Variants in PLXNA4 observed in about 807,000 individuals in gnomAD.
The protein encoded by PLXNA4 is plexin A4, also known as plexin-A4.
PLXNA4 carries 44 observed loss-of-function variants against 191.8 expected under a neutral mutation model. The observed-to-expected ratio is 0.23, with a 90% CI of 0.18 to 0.29. The LOEUF (loss-of-function observed/expected upper bound fraction) is 0.29, where lower values mean the gene tolerates loss of function less well. Among genes scored for constraint, PLXNA4 ranks in the 10% least tolerant of loss-of-function variants. The pLI is 1.00. For missense variants in PLXNA4, 1,800 were observed against 2,488.8 expected (o/e 0.72, Z 5.89); for synonymous variants, 1,082 against 1,009.5 (o/e 1.07, Z -1.36).
chr7:132,349,419 A>G (rs1203145997), intron 3 of PLXNA4, among the ~76,000 whole-genome samples: 6 of 152,148 alleles, frequency 3.9e-5, no homozygotes, highest in African/African-American at 1.2e-4. Context: ...TGGTGTGTGC[A>G]GGGAGCCAAC....
chr7:132,432,959 A>G (rs1795324100), intron 3 of PLXNA4, among the ~76,000 whole-genome samples: 1 of 152,146 alleles, frequency 6.6e-6, no homozygotes, highest in African/African-American at 2.4e-5. Flanking sequence ...TCTTGTATGC[A>G]TTACCACCCC....
chr7:132,196,948 A>G (rs1253693791), intron 13 of PLXNA4, among the ~76,000 whole-genome samples: 1 of 152,182 alleles, frequency 6.6e-6, no homozygotes, highest in African/African-American at 2.4e-5. Context: ...CTCTTTATAT[A>G]TTAAGAAAAA....
rs765370862 is a variant in PLXNA4 at position 132,181,554 on chromosome 7, G to A, written c.3319C>T (p.His1107Tyr). ...QAPALALGPD[H>Y]QSDLTERPEE... ...GGCCTCTCGGTCAGGTCTGACTGGTGGTCAGGACCCAGAGCGAGGGCGGGC... is the reference window on the plus strand; with the variant it reads ...GGCCTCTCGGTCAGGTCTGACTGGTAGTCAGGACCCAGAGCGAGGGCGGGC... The change falls in exon 18 of 32, where the codon CAC becomes TAC. Residue 1107 changes from histidine (H) to tyrosine (Y), a missense_variant. Physicochemically the swap from His to Tyr is moderately conservative, Grantham distance 83 (BLOSUM62 2). Transcript: ENST00000321063. 2 of 1,614,164 alleles carry A rather than the reference G, an allele frequency of 1.2e-6. No individual in the cohort carries two copies. The highest frequency in any genetic ancestry group is 4.5e-5 in the East Asian group (2 of 44,862).
At chr7:132,489,210 G>T in intron 3 of PLXNA4, 82 bp downstream of exon 3, 1 of 1,426,150 alleles carries the variant, frequency 7.0e-7, no homozygotes, top group Non-Finnish European at 9.5e-7. Flanking sequence ...GCCCAAGTTA[G>T]CAAAAAGATG....
At chr7:132,593,081 A>G (rs1393040873) in intron 2 of PLXNA4, among the ~76,000 whole-genome samples, 1 of 152,210 alleles carries the variant, frequency 6.6e-6, no homozygotes, top group Non-Finnish European at 1.5e-5. Context: ...CCAGAGGTGG[A>G]CTAATTCGTG....
chr7:132,296,576 T>C (rs1272362456), intron 4 of PLXNA4, among the ~76,000 whole-genome samples: 1 of 152,006 alleles, frequency 6.6e-6, no homozygotes, highest in Admixed American at 6.6e-5. Flanking sequence ...CCTGGCTCCG[T>C]TTATATTTTC....
chr7:132,498,198 T>C (rs1430954248), intron 2 of PLXNA4, among the ~76,000 whole-genome samples: 1 of 152,222 alleles, frequency 6.6e-6, no homozygotes, highest in African/African-American at 2.4e-5. Flanking sequence ...AACTGTTCTA[T>C]TTTATGATTA....
At chr7:132,367,257 G>A (rs1804224141) in intron 3 of PLXNA4, among the ~76,000 whole-genome samples, 1 of 152,208 alleles carries the variant, frequency 6.6e-6, no homozygotes, top group Non-Finnish European at 1.5e-5. Flanking sequence ...GGGCTGTGGT[G>A]GCCACACAGA....
At chr7:132,389,748 T>A (rs951760436) in intron 3 of PLXNA4, among the ~76,000 whole-genome samples, 2 of 152,240 alleles carry the variant, frequency 1.3e-5, no homozygotes, top group Non-Finnish European at 2.9e-5. Flanking sequence ...CTTGGCTATG[T>A]GGGCTCTTTT....
chr7:132,504,203 AC>A (rs1175313384), intron 2 of PLXNA4, among the ~76,000 whole-genome samples: 1 of 152,130 alleles, frequency 6.6e-6, no homozygotes, highest in African/African-American at 2.4e-5. Flanking sequence ...AGCAGGTTCT[AC>A]CCCAACGGCC....
intron 8 of PLXNA4, among the ~76,000 whole-genome samples, chr7:132,224,870 CAGCCTAGATCTCT>C (rs1798263265): frequency 6.6e-6 from 1 of 152,222 alleles, no homozygotes; most frequent in Non-Finnish European, 1.5e-5. Flanking sequence ...AAAATTCCAC[CAGCCTAGATCTCT>C]GGTCATGTCA....
intron 14 of PLXNA4, among the ~76,000 whole-genome samples, chr7:132,188,571 G>C (rs1452741734): frequency 6.6e-6 from 1 of 152,096 alleles, no homozygotes; most frequent in Non-Finnish European, 1.5e-5. Context: ...TCCAGGATCA[G>C]GGCACATGGG....
At chr7:132,209,937 A>T (rs77529828) in intron 10 of PLXNA4, among the ~76,000 whole-genome samples, 5,964 of 152,272 alleles carry the variant, frequency 0.039, 143 homozygotes, top group African/African-American at 0.066. Context: ...CACCAAAGTG[A>T]ATAGAGCTCA....
chr7:132,287,980 A>C (rs1800747673), intron 4 of PLXNA4, among the ~76,000 whole-genome samples: 1 of 152,164 alleles, frequency 6.6e-6, no homozygotes, highest in Non-Finnish European at 1.5e-5. Context: ...GCTGGTTCTG[A>C]CACCCAAGAG....
At chr7:132,346,481 C>A (rs1480176632) in intron 3 of PLXNA4, among the ~76,000 whole-genome samples, 2 of 152,176 alleles carry the variant, frequency 1.3e-5, no homozygotes, top group Non-Finnish European at 2.9e-5. Flanking sequence ...CTCTATAAAG[C>A]AAATGCTATG....
intron 17 of PLXNA4, 60 bp from the exon 18 acceptor site, chr7:132,181,680 T>G (rs903305486): frequency 4.4e-6 from 7 of 1,589,560 alleles, no homozygotes; most frequent in East Asian, 2.2e-5. Context: ...ACAGCCCCAG[T>G]GCACATAGTG....
intron 2 of PLXNA4, among the ~76,000 whole-genome samples, chr7:132,627,865 C>G (rs1803412772): frequency 6.6e-6 from 1 of 152,238 alleles, no homozygotes; most frequent in Non-Finnish European, 1.5e-5. Context: ...TTATAAATAA[C>G]CCAGTCTAAA....
chr7:132,456,744 A>C (rs531369849), intron 3 of PLXNA4, among the ~76,000 whole-genome samples: 1 of 152,146 alleles, frequency 6.6e-6, no homozygotes, highest in Non-Finnish European at 1.5e-5. Flanking sequence ...TGACGAATCA[A>C]TCAGAAAGGC....
At chr7:132,338,600 G>A (rs959342916) in intron 3 of PLXNA4, among the ~76,000 whole-genome samples, 4 of 152,204 alleles carry the variant, frequency 2.6e-5, no homozygotes, top group Admixed American at 1.3e-4. Context: ...CAAATCATAT[G>A]AGGATGTTCT....
Sources: allele counts gnomAD v4.1 joint callset (sites outside exome capture counted in the v4.1 genomes callset), GRCh38; gene constraint gnomAD v4.1.1; transcripts MANE v1.5; gene names NCBI Gene and HGNC (gene_info 2026-07-23, HGNC 2026-07-21).